CCSER1: variants seen among roughly 807,000 people sequenced by gnomAD.
The protein encoded by CCSER1 is coiled-coil serine rich protein 1.
A neutral mutation model predicts 82.0 loss-of-function variants in CCSER1; 41 were observed. That is an observed-to-expected ratio of 0.50 (90% confidence interval 0.39 to 0.65). CCSER1 has a LOEUF of 0.65. Among genes scored for constraint, CCSER1 ranks in the 30% least tolerant of loss-of-function variants. The pLI is 0.00. For synonymous variants in CCSER1, 414 were observed against 383.9 expected (o/e 1.08, Z -0.92); for missense variants, 1,119 against 1,064.2 (o/e 1.05, Z -0.72).
In CCSER1 at chr4:91,201,529, A is replaced by G. The variant is rs190910081; in HGVS notation, c.2217+115535A>G. The stretch of plus-strand genomic sequence containing the variant: ...TTATACAGGTCTTAAATTCAGGTTT[A>G]AATTTACAGATTGCACTAGGGTGTC... On this transcript the variant is annotated intron_variant, in intron 10 of 10. Coordinates refer to ENST00000509176, the MANE Select transcript of CCSER1 (RefSeq NM_001145065.2). Among the ~76,000 whole-genome samples, 343 of 152,230 alleles carry G rather than the reference A, an allele frequency of 2.3e-3. 1 individual carries two copies. The highest frequency in any genetic ancestry group is 3.7e-3 in the Non-Finnish European group (249 of 67,972).
intron 7 of CCSER1, among the ~76,000 whole-genome samples, chr4:90,738,680 T>C (rs908903220): frequency 6.6e-6 from 1 of 152,122 alleles, no homozygotes; most frequent in African/African-American, 2.4e-5. Context: ...ACAATCAGCA[T>C]TTGGTGAATC....
intron 4 of CCSER1, among the ~76,000 whole-genome samples, chr4:90,416,151 C>T (rs1222207634): frequency 4.6e-5 from 7 of 151,356 alleles, no homozygotes; most frequent in East Asian, 3.9e-4. Flanking sequence ...ACAATATGTA[C>T]GTATATCAAA....
At chr4:91,167,799 A>T (rs1468418628) in intron 10 of CCSER1, among the ~76,000 whole-genome samples, 7 of 152,240 alleles carry the variant, frequency 4.6e-5, no homozygotes, top group Admixed American at 4.6e-4. Flanking sequence ...CATGTTTATC[A>T]TTATGTGTTT....
intron 1 of CCSER1, among the ~76,000 whole-genome samples, chr4:90,227,964 A>T (rs1426176270): frequency 6.6e-6 from 1 of 152,182 alleles, no homozygotes; most frequent in Admixed American, 6.5e-5. Context: ...CCTGGCTCGG[A>T]GGGTCCTACG....
chr4:90,640,999 T>C (rs1001924554), intron 6 of CCSER1, among the ~76,000 whole-genome samples: 2 of 152,166 alleles, frequency 1.3e-5, no homozygotes, highest in African/African-American at 4.8e-5. Flanking sequence ...TAGGTGCATA[T>C]GATTTTGGGC....
chr4:91,451,290 C>T (rs1264154441), intron 10 of CCSER1, among the ~76,000 whole-genome samples: 1 of 152,054 alleles, frequency 6.6e-6, no homozygotes, highest in Admixed American at 6.6e-5. Flanking sequence ...GGGCTTCAAA[C>T]ATTAAGACTG....
At chr4:91,229,228 T>G (rs1354419544) in intron 10 of CCSER1, among the ~76,000 whole-genome samples, 1 of 149,022 alleles carries the variant, frequency 6.7e-6, no homozygotes, top group African/African-American at 2.5e-5. Context: ...GGGCTGCTAA[T>G]GGGCAATATG....
At chr4:91,553,702 T>C (rs1024591910) in intron 10 of CCSER1, among the ~76,000 whole-genome samples, 1 of 151,220 alleles carries the variant, frequency 6.6e-6, no homozygotes, top group South Asian at 2.1e-4. Context: ...ATTCAATTTG[T>C]TGTTGCTCAA....
chr4:90,362,408 A>G (rs1431842293), intron 3 of CCSER1, among the ~76,000 whole-genome samples: 1 of 152,196 alleles, frequency 6.6e-6, no homozygotes, highest in African/African-American at 2.4e-5. Context: ...AGTGTTTTTC[A>G]TATATCACCA....
intron 3 of CCSER1, among the ~76,000 whole-genome samples, chr4:90,383,992 G>A (rs1436594156): frequency 2.0e-5 from 3 of 151,248 alleles, no homozygotes; most frequent in African/African-American, 7.3e-5. Context: ...TGATCTCCTG[G>A]GCTCAAACAA....
chr4:91,064,483 CCGGCAATTAAATACAGCAACACT>C (rs1353738626), intron 9 of CCSER1, among the ~76,000 whole-genome samples: 1 of 152,206 alleles, frequency 6.6e-6, no homozygotes, highest in African/African-American at 2.4e-5. Context: ...GTTCTTTCTT[CCGGCAATTAAATACAGCAACACT>C]TATGCAGTGT....
chr4:91,509,180 T>C (rs1454712706), intron 10 of CCSER1, among the ~76,000 whole-genome samples: 1 of 151,846 alleles, frequency 6.6e-6, no homozygotes, highest in Non-Finnish European at 1.5e-5. Context: ...TTATGTGAAT[T>C]GTTATGTATT....
chr4:90,641,733 C>A (rs907943614), intron 6 of CCSER1, among the ~76,000 whole-genome samples: 4 of 152,080 alleles, frequency 2.6e-5, no homozygotes, highest in Non-Finnish European at 5.9e-5. Flanking sequence ...CCAGAGATTT[C>A]TTTTCTGGTA....
At chr4:91,008,989 C>T (rs147930641) in intron 9 of CCSER1, among the ~76,000 whole-genome samples, 62 of 152,330 alleles carry the variant, frequency 4.1e-4, no homozygotes, top group African/African-American at 1.3e-3. Flanking sequence ...AACCCGGGCA[C>T]TTAGCCGTGC....
intron 3 of CCSER1, among the ~76,000 whole-genome samples, chr4:90,339,658 C>T (rs1216495408): frequency 6.6e-6 from 1 of 152,098 alleles, no homozygotes; most frequent in Non-Finnish European, 1.5e-5. Flanking sequence ...CAGATTACTG[C>T]ATGTTGTCCT....
intron 10 of CCSER1, among the ~76,000 whole-genome samples, chr4:91,226,133 C>A (rs1370501305): frequency 1.3e-5 from 2 of 151,726 alleles, no homozygotes; most frequent in African/African-American, 4.8e-5. Context: ...TTAGGTATAT[C>A]TCCTAAGCAG....
At chr4:90,532,372 CT>C (rs1774639393) in intron 5 of CCSER1, among the ~76,000 whole-genome samples, 1 of 152,002 alleles carries the variant, frequency 6.6e-6, no homozygotes, top group South Asian at 2.1e-4. Context: ...TTTTCTTTGG[CT>C]TCTGTGATTC....
At chr4:90,190,735 A>G (rs937752803) in intron 1 of CCSER1, among the ~76,000 whole-genome samples, 1 of 152,040 alleles carries the variant, frequency 6.6e-6, no homozygotes, top group Admixed American at 6.6e-5. Flanking sequence ...TTACTTTGTC[A>G]TCCCTAGTCA....
At chr4:90,434,209 C>T (rs1275993745) in intron 4 of CCSER1, among the ~76,000 whole-genome samples, 1 of 151,906 alleles carries the variant, frequency 6.6e-6, no homozygotes, top group Non-Finnish European at 1.5e-5. Flanking sequence ...TCTTCATATC[C>T]ATTTTTTCCT....
Sources: allele counts gnomAD v4.1 joint callset (sites outside exome capture counted in the v4.1 genomes callset), GRCh38; gene constraint gnomAD v4.1.1; transcripts MANE v1.5; gene names NCBI Gene and HGNC (gene_info 2026-07-23, HGNC 2026-07-21).